Variants in DDHD1 observed in about 807,000 individuals in gnomAD.
DDHD1 encodes DDHD domain containing 1, also known as phospholipase DDHD1.
In DDHD1, 49 loss-of-function variants were observed where a neutral mutation model predicts 96.4. That is an observed-to-expected ratio of 0.51 (90% CI 0.40 to 0.64). DDHD1 has a LOEUF of 0.64. DDHD1 is among the 30% of genes least tolerant of loss of function. The pLI is 0.00. For missense variants in DDHD1, 1,106 were observed against 1,161.2 expected, an observed-to-expected ratio of 0.95 and a Z score of 0.69; for synonymous variants, 442 against 446.5, an observed-to-expected ratio of 0.99 and a Z score of 0.13.
intron 6 of DDHD1, 56 bp downstream of exon 6, chr14:53,072,541 A>G (rs1884595832): frequency 2.1e-6 from 2 of 962,818 alleles, no homozygotes; most frequent in Admixed American, 5.2e-5. Flanking sequence ...AAAATTCAGG[A>G]CATTTATAAG....
At chr14:53,053,437 G>A (rs755951195) in intron 11 of DDHD1, 3 of 152,004 alleles carry the variant, frequency 2.0e-5, no homozygotes, top group Non-Finnish European at 4.4e-5. Flanking sequence ...AATGCTGTTG[G>A]CCCAAGTAGG....
At chr14:53,135,300 T>C (rs1170376267) in intron 1 of DDHD1, among the ~76,000 whole-genome samples, 1 of 152,194 alleles carries the variant, frequency 6.6e-6, no homozygotes, top group Admixed American at 6.5e-5. Flanking sequence ...CCCACCCTTG[T>C]GATAATGCAC....
chr14:53,073,140 T>C (rs969641017), intron 5 of DDHD1, among the ~76,000 whole-genome samples: 4 of 152,074 alleles, frequency 2.6e-5, no homozygotes, highest in African/African-American at 9.7e-5. Flanking sequence ...GTTTTTATGG[T>C]TTTAATATTT....
intron 1 of DDHD1, among the ~76,000 whole-genome samples, chr14:53,126,903 C>T (rs1889482723): frequency 6.6e-6 from 1 of 152,096 alleles, no homozygotes; most frequent in South Asian, 2.1e-4. Context: ...AAAATAGTTA[C>T]TAGTCAGGAG....
chr14:53,126,981 A>T (rs1054652454), intron 1 of DDHD1, among the ~76,000 whole-genome samples: 1 of 152,192 alleles, frequency 6.6e-6, no homozygotes, highest in African/African-American at 2.4e-5. Context: ...ATCAAAAGAG[A>T]AACTAAAATT....
chr14:53,123,028 G>T (rs1358493854), intron 1 of DDHD1, among the ~76,000 whole-genome samples: 1 of 151,722 alleles, frequency 6.6e-6, no homozygotes, highest in Non-Finnish European at 1.5e-5. Flanking sequence ...GACAGACAGA[G>T]AATTTGAAAC....
intron 7 of DDHD1, 55 bp from the exon 8 acceptor site, chr14:53,061,256 T>C (rs1566526725): frequency 6.8e-7 from 1 of 1,470,418 alleles, no homozygotes; most frequent in Non-Finnish European, 9.2e-7. Context: ...TCATAAATAT[T>C]AGATGCTTGC....
At chr14:53,097,927 G>C (rs1887007195) in intron 2 of DDHD1, among the ~76,000 whole-genome samples, 1 of 151,834 alleles carries the variant, frequency 6.6e-6, no homozygotes, top group African/African-American at 2.4e-5. Context: ...AAATTAAACA[G>C]ACATGGTTCT....
At chr14:53,071,908 T>C (rs566910052) in intron 6 of DDHD1, among the ~76,000 whole-genome samples, 1 of 152,292 alleles carries the variant, frequency 6.6e-6, no homozygotes, top group East Asian at 1.9e-4. Flanking sequence ...TGGATTCAAA[T>C]ACTGGCTCTG....
intron 1 of DDHD1, among the ~76,000 whole-genome samples, chr14:53,133,610 C>T (rs1466406137): frequency 6.6e-6 from 1 of 152,150 alleles, no homozygotes; most frequent in Non-Finnish European, 1.5e-5. Flanking sequence ...TACCACTTGC[C>T]CTTCTCAGAA....
At chr14:53,130,308 A>C (rs1036518270) in intron 1 of DDHD1, among the ~76,000 whole-genome samples, 6 of 152,106 alleles carry the variant, frequency 3.9e-5, no homozygotes, top group African/African-American at 1.4e-4. Flanking sequence ...CTTTTTCTCT[A>C]TCAGACCTTC....
chr14:53,097,103 A>C (rs747464446), intron 2 of DDHD1, among the ~76,000 whole-genome samples: 1 of 152,016 alleles, frequency 6.6e-6, no homozygotes, highest in African/African-American at 2.4e-5. Flanking sequence ...CCAGTTAATA[A>C]ATTACAGGAT....
At chr14:53,148,062 T>C (rs1891115943) in intron 1 of DDHD1, among the ~76,000 whole-genome samples, 1 of 152,222 alleles carries the variant, frequency 6.6e-6, no homozygotes, top group Admixed American at 6.5e-5. Flanking sequence ...CAAAAACAAC[T>C]GGTCTATTTC....
chr14:53,144,821 T>C (rs1890866079), intron 1 of DDHD1, among the ~76,000 whole-genome samples: 1 of 152,202 alleles, frequency 6.6e-6, no homozygotes, highest in South Asian at 2.1e-4. Flanking sequence ...GGCTTAGAAG[T>C]AATTCTGACT....
intron 1 of DDHD1, among the ~76,000 whole-genome samples, chr14:53,147,086 T>G (rs755845648): frequency 2.0e-5 from 3 of 152,162 alleles, no homozygotes; most frequent in Non-Finnish European, 4.4e-5. Context: ...ATCTTAGGCT[T>G]CCTGTGAATA....
At chr14:53,066,585 T>C (rs1200955736) in intron 6 of DDHD1, among the ~76,000 whole-genome samples, 1 of 152,226 alleles carries the variant, frequency 6.6e-6, no homozygotes, top group African/African-American at 2.4e-5. Flanking sequence ...AGGAAACATA[T>C]ACTTTTAAAT....
At chr14:53,126,232 T>G (rs142083523) in intron 1 of DDHD1, among the ~76,000 whole-genome samples, 1,549 of 152,350 alleles carry the variant, frequency 0.01, 15 homozygotes, top group Non-Finnish European at 0.017. Flanking sequence ...AAATTATGTA[T>G]ATATATTATT....
chr14:53,087,852 A>G (rs893316063), intron 4 of DDHD1, among the ~76,000 whole-genome samples: 1 of 152,110 alleles, frequency 6.6e-6, no homozygotes, highest in Non-Finnish European at 1.5e-5. Context: ...AAAACCCTTC[A>G]AAAAAATCAA....
At chr14:53,098,190 A>T (rs1887030400) in intron 2 of DDHD1, among the ~76,000 whole-genome samples, 1 of 152,070 alleles carries the variant, frequency 6.6e-6, no homozygotes, top group Non-Finnish European at 1.5e-5. Context: ...ATTCTTACAC[A>T]GTATTAGCAA....
Sources: gnomAD v4.1 joint callset for allele counts (sites outside exome capture counted in the v4.1 genomes callset) on GRCh38, gnomAD v4.1.1 for gene constraint, MANE v1.5 for transcripts, NCBI Gene and HGNC (gene_info 2026-07-23, HGNC 2026-07-21) for gene names.